Variants in ENTPD6 observed in about 807,000 individuals in gnomAD.
ENTPD6 encodes ectonucleoside triphosphate diphosphohydrolase 6.
In ENTPD6, 46 loss-of-function variants were observed where a neutral mutation model predicts 61.5. That is an observed-to-expected ratio of 0.75 (90% confidence interval 0.59 to 0.96). The LOEUF (loss-of-function observed/expected upper bound fraction) is 0.96. Ranked by LOEUF, ENTPD6 falls within the 40% of genes least tolerant of loss-of-function variation. The probability of loss-of-function intolerance (pLI) is 0.00; values close to 1 mark genes in which losing one functional copy is unlikely to be tolerated. For synonymous variants in ENTPD6, 252 were observed against 255.5 expected, an observed-to-expected ratio of 0.99 and a Z score of 0.13; for missense variants, 612 against 629.0, an observed-to-expected ratio of 0.97 and a Z score of 0.29.
rs144718324 is a variant in ENTPD6 at position 25,209,869 on chromosome 20, G to A, written c.397G>A (p.Glu133Lys). 61 of 1,614,088 alleles carry A rather than the reference G, an allele frequency of 3.8e-5. No individual in the cohort carries two copies. The East Asian group carries it at 1.0e-3, about 27-fold the overall frequency. Residue 133 changes from glutamate to lysine, a missense_variant, in exon 4 of 15, where the codon GAA becomes AAA. Glu to Lys is a moderately conservative substitution (Grantham distance 56, BLOSUM62 1). Transcript: ENST00000376652. ...CTTAGAAACTCCCACGTTAACCCACGAAACCTTCAAAGCACTGAAGCCAGG... is the reference window on the plus strand; with the variant it reads ...CTTAGAAACTCCCACGTTAACCCACAAAACCTTCAAAGCACTGAAGCCAGG... ...PPRETPTLTH[E>K]TFKALKPGLS...
In ENTPD6 at chr20:25,214,903, G is replaced by A. The variant is rs777532386; in HGVS notation, c.634G>A (p.Gly212Arg). ...KVFKASPFLV[G>R]DDCVSIMNGT... ...ATTTAAAGCATCGCCTTTCCTTGTAGGGGATGACTGTGTTTCCATCATGAA... is the reference window on the plus strand; with the variant it reads ...ATTTAAAGCATCGCCTTTCCTTGTAAGGGATGACTGTGTTTCCATCATGAA... Residue 212 changes from glycine to arginine, a missense_variant, in exon 6 of 15, where the codon GGG becomes AGG. By Grantham distance (125) the Gly-to-Arg change is moderately radical (BLOSUM62 -2). Coordinates refer to ENST00000376652, the MANE Select transcript of ENTPD6 (RefSeq NM_001247.5). 7.6e-5 allele frequency: 122 copies of A among 1,607,824 alleles called. No individual in the cohort carries two copies. Among genetic ancestry groups the A allele is most frequent in the Non-Finnish European group, 1.0e-4 (119 of 1,174,424 alleles).
intron 3 of ENTPD6, among the ~76,000 whole-genome samples, chr20:25,209,646 T>A (rs2091814983): frequency 6.6e-6 from 1 of 152,012 alleles, no homozygotes; most frequent in African/African-American, 2.4e-5. Flanking sequence ...AGTAATGTTC[T>A]GGCCAAGACA....
chr20:25,208,513 T>C (rs796646044), intron 3 of ENTPD6, among the ~76,000 whole-genome samples: 22 of 152,310 alleles, frequency 1.4e-4, no homozygotes, highest in African/African-American at 5.3e-4. Context: ...TCTTCAAAGC[T>C]AAGTGTGCAA....
intron 9 of ENTPD6, 107 bp downstream of exon 9, chr20:25,217,688 T>A: frequency 1.0e-6 from 1 of 963,526 alleles, no homozygotes; most frequent in Non-Finnish European, 1.6e-6. Flanking sequence ...TGGGAATCCC[T>A]GTGCTGGGAA....
intron 5 of ENTPD6, among the ~76,000 whole-genome samples, chr20:25,214,094 G>A (rs988230215): frequency 2.0e-5 from 3 of 148,904 alleles, no homozygotes; most frequent in Admixed American, 6.6e-5. Context: ...ATGCTCAGAC[G>A]TGACTGTCGA....
In ENTPD6 at chr20:25,222,969, G is replaced by A; in HGVS notation, c.1177G>A (p.Gly393Ser). ...SYYYDLAAGVGLIDAEKGGSL... is the reference protein window; with the variant it reads ...SYYYDLAAGVSLIDAEKGGSL... The stretch of plus-strand genomic sequence containing the variant: ...CTATTACGACCTTGCAGCTGGTGTG[G>A]GCCTCATAGGTAAGGGGGCCCGGAT... Residue 393 changes from glycine to serine, a missense_variant, in exon 12 of 15, where the codon GGC (glycine) becomes AGC (serine). Transcript: ENST00000376652. 1 of 1,613,698 alleles carries A rather than the reference G, an allele frequency of 6.2e-7. No homozygotes were observed.
rs1197395555 is a variant in ENTPD6 at position 25,227,744 on chromosome 20, T to C, written c.*2147T>C. Among the ~76,000 whole-genome samples the C allele has an allele frequency of 1.3e-5, 2 of 152,198 alleles. No individual in the cohort carries two copies. ...CCACTGAGCTGCCTCAGTCCTGCAGTCCCCGTGTTTGGATGGCAGGATCCC... is the reference window on the plus strand; with the variant it reads ...CCACTGAGCTGCCTCAGTCCTGCAGCCCCCGTGTTTGGATGGCAGGATCCC... On this transcript the variant is annotated 3_prime_UTR_variant, in exon 15 of 15. Transcript: ENST00000376652.
intron 4 of ENTPD6, among the ~76,000 whole-genome samples, chr20:25,212,831 G>T (rs1472873524): frequency 1.3e-5 from 2 of 152,056 alleles, no homozygotes; most frequent in African/African-American, 2.4e-5. Context: ...TCAGCCTCCC[G>T]AGTAGCTGGG....
Position 25,216,716 on chromosome 20 carries a change from G to T in ENTPD6, c.778G>T (p.Ala260Ser), listed in dbSNP as rs775319134. Reference sequence around the variant, plus strand: ...CTTGGGCGGAGGATCCACTCAGATCGCCTTCCTGCCACGCGTGGAGGTAAC... The same window carrying T: ...CTTGGGCGGAGGATCCACTCAGATCTCCTTCCTGCCACGCGTGGAGGTAAC... ...LDLGGGSTQI[A>S]FLPRVEGTLQ... The change falls in exon 8 of 15, where the codon GCC becomes TCC. Residue 260 changes from alanine (A) to serine (S), a missense_variant. Transcript: ENST00000376652. 10 of 1,601,686 alleles carry T rather than the reference G, an allele frequency of 6.2e-6. No homozygotes were observed. The East Asian group carries it at 2.3e-4, about 36-fold the overall frequency.
Position 25,204,165 on chromosome 20 carries a change from T to G in ENTPD6, c.-15-2357T>G, listed in dbSNP as rs913400659. ...ATTCTGGAATTGGGGTTTGGTGGTG[T>G]GATGTGTTGCTCACATGTGGCCAGA... is the stretch of plus-strand genomic sequence containing the variant. On this transcript the variant is annotated intron_variant, in intron 1 of 14. Transcript: ENST00000376652. Among the ~76,000 whole-genome samples, 6 of 152,366 alleles carry G rather than the reference T, an allele frequency of 3.9e-5. No homozygotes were observed. In the East Asian group the frequency reaches 9.6e-4, roughly 24 times the overall value.
Position 25,195,722 on chromosome 20 carries a change from G to C in ENTPD6, c.-161G>C. The C allele has an allele frequency of 1.6e-6, 1 of 618,404 alleles. No homozygotes were observed. The highest frequency in any genetic ancestry group is 2.4e-6 in the Non-Finnish European group (1 of 421,454). The allele number at this position is 618,404 out of a possible 1,614,324, so 38.3% of individuals were successfully genotyped here. A position where few individuals can be genotyped will look rare whatever the true frequency, so the allele number is the denominator to read the frequency against. ...CGCCACGTGCATGGGGCGGAGCCCA[G>C]GCCCTAGGGAATCGTGGGGTCGTAT... On this transcript the variant is annotated 5_prime_UTR_variant, in exon 1 of 15. Coordinates refer to ENST00000376652, the MANE Select transcript of ENTPD6 (RefSeq NM_001247.5).
chr20:25,203,676 C>T (rs1370793998), intron 1 of ENTPD6, among the ~76,000 whole-genome samples: 1 of 152,158 alleles, frequency 6.6e-6, no homozygotes, highest in Non-Finnish European at 1.5e-5. Flanking sequence ...TCCTTCAGCT[C>T]TTTTAGCATA....
chr20:25,214,971 T>A, intron 6 of ENTPD6, 29 bp downstream of exon 6: 3 of 1,478,948 alleles, frequency 2.0e-6, no homozygotes, highest in South Asian at 1.1e-5. Context: ...CTCTGTACAG[T>A]GGGGCTGTGC....
intron 5 of ENTPD6, among the ~76,000 whole-genome samples, chr20:25,214,101 T>C (rs755759061): frequency 2.6e-5 from 4 of 152,184 alleles, no homozygotes; most frequent in Non-Finnish European, 5.9e-5. Flanking sequence ...GACGTGACTG[T>C]CGAAGGGACC....
At chr20:25,224,330 C>T (rs925566633) in intron 13 of ENTPD6, 173 bp downstream of exon 13, 5 of 504,294 alleles carry the variant, frequency 9.9e-6, no homozygotes, top group Middle Eastern at 1.0e-3. Context: ...CTCATGGGGT[C>T]GTGAGGAACT....
chr20:25,225,441 G>C, intron 14 of ENTPD6, 58 bp from the exon 15 acceptor site: 1 of 1,585,562 alleles, frequency 6.3e-7, no homozygotes, highest in Non-Finnish European at 8.6e-7. Context: ...ACAGCCTCCT[G>C]ATGCACAAGG....
At chr20:25,199,674 ACT>A (rs145679284) in intron 1 of ENTPD6, among the ~76,000 whole-genome samples, 458 of 151,940 alleles carry the variant, frequency 3.0e-3, no homozygotes, top group African/African-American at 0.011. Context: ...CTGCCCTTCT[ACT>A]CTCTGTCTGT....
intron 13 of ENTPD6, 190 bp from the exon 14 acceptor site, chr20:25,225,015 C>T (rs750856705): frequency 2.3e-5 from 18 of 791,798 alleles, no homozygotes; most frequent in Non-Finnish European, 3.1e-5. Context: ...GACCCAGTGG[C>T]AGCCGGGGTT....
At chr20:25,216,849 C>A in intron 8 of ENTPD6, 113 bp downstream of exon 8, 1 of 728,102 alleles carries the variant, frequency 1.4e-6, no homozygotes, top group Non-Finnish European at 2.3e-6. Context: ...GTGGGGTTGG[C>A]CAGGTCTCTG....
Sources: allele counts gnomAD v4.1 joint callset (sites outside exome capture counted in the v4.1 genomes callset), GRCh38; gene constraint gnomAD v4.1.1; transcripts MANE v1.5; gene names NCBI Gene and HGNC (gene_info 2026-07-23, HGNC 2026-07-21).